The following CNDP1 variants were observed in gnomAD, a reference collection of about 807,000 sequenced individuals.
The protein encoded by CNDP1 is carnosine dipeptidase 1.
Under a neutral mutation model 58.1 loss-of-function variants are expected in CNDP1, and 44 were observed. The observed-to-expected ratio is 0.76, with a 90% confidence interval of 0.60 to 0.97. CNDP1 has a LOEUF of 0.97. Among genes scored for constraint, CNDP1 ranks in the 50% least tolerant of loss-of-function variants. The pLI, the probability that CNDP1 is intolerant of heterozygous loss-of-function variation, is 0.00. For synonymous variants in CNDP1, 254 were observed against 252.6 expected, an observed-to-expected ratio of 1.01 and a Z score of -0.05; for missense variants, 616 against 655.1, an observed-to-expected ratio of 0.94 and a Z score of 0.65.
intron 5 of CNDP1, among the ~76,000 whole-genome samples, chr18:74,563,022 C>A (rs943047405): frequency 1.3e-5 from 2 of 152,196 alleles, no homozygotes; most frequent in African/African-American, 4.8e-5. Flanking sequence ...TCCAAGGCTG[C>A]AAGGCTCTGA....
intron 10 of CNDP1, among the ~76,000 whole-genome samples, chr18:74,582,410 G>T (rs1413614410): frequency 1.3e-5 from 2 of 152,202 alleles, no homozygotes; most frequent in African/African-American, 4.8e-5. Context: ...TACGATAGCA[G>T]TTAAAACTAT....
intron 9 of CNDP1, 93 bp from the exon 10 acceptor site, chr18:74,580,037 C>A (rs933612322): frequency 2.4e-5 from 26 of 1,093,312 alleles, no homozygotes; most frequent in Non-Finnish European, 3.1e-5. Flanking sequence ...GCTATATTAA[C>A]TGTACTAATC....
chr18:74,561,206 G>A (rs1056586907), intron 4 of CNDP1, among the ~76,000 whole-genome samples, 188 bp downstream of exon 4: 1 of 152,096 alleles, frequency 6.6e-6, no homozygotes. Context: ...TTTGAGATCA[G>A]GAGTTCAAGA....
chr18:74,534,777 G>T, intron 1 of CNDP1, 86 bp downstream of exon 1: 1 of 1,508,980 alleles, frequency 6.6e-7, no homozygotes, highest in South Asian at 1.1e-5. Context: ...AGCCCAGTTG[G>T]GCAGGGCAGG....
chr18:74,557,666 C>G (rs893734276), intron 2 of CNDP1, among the ~76,000 whole-genome samples: 2 of 152,178 alleles, frequency 1.3e-5, no homozygotes, highest in Non-Finnish European at 2.9e-5. Context: ...TGTCTGTGTT[C>G]ACCAGACGGG....
At chr18:74,582,604 A>G (rs1179724860) in intron 10 of CNDP1, among the ~76,000 whole-genome samples, 1 of 152,238 alleles carries the variant, frequency 6.6e-6, no homozygotes, top group Non-Finnish European at 1.5e-5. Context: ...TGCAATCACA[A>G]GATAACATCA....
In CNDP1 at chr18:74,535,857, C is replaced by T. The variant is rs137884885; in HGVS notation, c.24+1166C>T. ...GACTGGCCTGGGCAACATAGTGAGACCCTGACTCTACAAACAATTTTAAAA... is the reference window on the plus strand; with the variant it reads ...GACTGGCCTGGGCAACATAGTGAGATCCTGACTCTACAAACAATTTTAAAA... On this transcript the variant is annotated intron_variant, in intron 1 of 11. Transcript: ENST00000358821. Among the ~76,000 whole-genome samples, 6 of 152,166 alleles carry T rather than the reference C, an allele frequency of 3.9e-5. No individual in the cohort carries two copies. In the East Asian group the frequency reaches 1.2e-3, roughly 29 times the overall value.
At chr18:74,535,317 A>G (rs1980459425) in intron 1 of CNDP1, among the ~76,000 whole-genome samples, 1 of 151,828 alleles carries the variant, frequency 6.6e-6, no homozygotes, top group Admixed American at 6.6e-5. Flanking sequence ...CATTGCAAAC[A>G]CACACATACA....
intron 4 of CNDP1, chr18:74,561,414 C>CAA (rs11447097): frequency 0.51 from 66,207 of 130,164 alleles, 19,607 homozygotes; most frequent in East Asian, 0.73. Context: ...GAGACTTCAT[C>CAA]AAAAAAAAAA....
chr18:74,571,830 G>A (rs967626985), intron 7 of CNDP1, among the ~76,000 whole-genome samples: 2 of 152,178 alleles, frequency 1.3e-5, no homozygotes, highest in Admixed American at 6.5e-5. Flanking sequence ...TAGCATGTGG[G>A]TTCTGGGTGT....
At position 74,560,907 on chromosome 18, in the gene CNDP1, G is replaced by C. The variant is rs1396866885; in HGVS notation, c.355G>C (p.Gly119Arg). The C allele has an allele frequency of 1.2e-6, 2 of 1,614,158 alleles. No individual in the cohort carries two copies. The highest frequency in any genetic ancestry group is 1.7e-6 in the Non-Finnish European group (2 of 1,180,020). The change falls in exon 4 of 12, where the codon GGG becomes CGG. Residue 119 changes from glycine to arginine, a missense_variant. Physicochemically the swap from Gly to Arg is moderately radical, Grantham distance 125 (BLOSUM62 -2). Transcript: ENST00000358821. ...ACCTCCCGTCATCCTGGCCGAACTG[G>C]GGAGCGATCCCACGAAAGGCACCGT... ...PIPPVILAEL[G>R]SDPTKGTVCF...
At chr18:74,555,253 G>A (rs1392116370) in intron 1 of CNDP1, among the ~76,000 whole-genome samples, 1 of 152,156 alleles carries the variant, frequency 6.6e-6, no homozygotes, top group African/African-American at 2.4e-5. Context: ...CTGCAGGAGG[G>A]TGGGTTTGGC....
chr18:74,556,258 T>C, intron 1 of CNDP1, 80 bp from the exon 2 acceptor site: 1 of 1,518,684 alleles, frequency 6.6e-7, no homozygotes, highest in Non-Finnish European at 8.9e-7. Flanking sequence ...GTAACAGACC[T>C]TCTTGAGGAA....
At chr18:74,574,603 G>A (rs1981580822) in intron 7 of CNDP1, among the ~76,000 whole-genome samples, 1 of 152,226 alleles carries the variant, frequency 6.6e-6, no homozygotes, top group South Asian at 2.1e-4. Flanking sequence ...CAAGAAGGCT[G>A]TGGTAACTGC....
chr18:74,565,857 G>A (rs1220765955), intron 5 of CNDP1, among the ~76,000 whole-genome samples: 2 of 152,246 alleles, frequency 1.3e-5, no homozygotes, highest in Non-Finnish European at 2.9e-5. Flanking sequence ...GACTTCATGT[G>A]GGGGTTCCAA....
intron 4 of CNDP1, 140 bp from the exon 5 acceptor site, chr18:74,561,907 C>T (rs1981209229): frequency 1.5e-6 from 1 of 654,892 alleles, no homozygotes; most frequent in Non-Finnish European, 2.7e-6. Context: ...TCATACTTTG[C>T]AATTTCATGC....
intron 11 of CNDP1, 167 bp downstream of exon 11, chr18:74,583,875 C>G: frequency 1.5e-6 from 1 of 681,792 alleles, no homozygotes; most frequent in Non-Finnish European, 2.4e-6. Flanking sequence ...GCCTGGATGC[C>G]CTAGATCAGG....
At chr18:74,578,998 C>T (rs1981705182) in intron 9 of CNDP1, among the ~76,000 whole-genome samples, 1 of 152,056 alleles carries the variant, frequency 6.6e-6, no homozygotes, top group South Asian at 2.1e-4. Flanking sequence ...ATATTTCATC[C>T]CAACAGTCAT....
chr18:74,556,119 G>T (rs1185728323), intron 1 of CNDP1, among the ~76,000 whole-genome samples: 2 of 152,184 alleles, frequency 1.3e-5, no homozygotes, highest in African/African-American at 4.8e-5. Context: ...TGTTAACTTG[G>T]TTTTTGTCTT....
Sources: gnomAD v4.1 joint callset for allele counts (sites outside exome capture counted in the v4.1 genomes callset) on GRCh38, gnomAD v4.1.1 for gene constraint, MANE v1.5 for transcripts, NCBI Gene and HGNC (gene_info 2026-07-23, HGNC 2026-07-21) for gene names.